The following PHF21B variants were observed in gnomAD, a reference collection of about 807,000 sequenced individuals.
PHF21B encodes the protein PHD finger protein 21B.
A neutral mutation model predicts 62.2 loss-of-function variants in PHF21B; 22 were observed. The ratio of observed to expected loss-of-function variants is 0.35; its 90% CI spans 0.25 to 0.51. The LOEUF (loss-of-function observed/expected upper bound fraction) is 0.51. PHF21B is among the 20% of genes least tolerant of loss of function. The pLI, the probability that PHF21B is intolerant of heterozygous loss-of-function variation, is 0.97. For missense variants in PHF21B, 701 were observed against 707.9 expected (o/e 0.99, Z 0.11); for synonymous variants, 341 against 314.7 (o/e 1.08, Z -0.88).
chr22:44,976,953 C>A (rs980963808), intron 2 of PHF21B, among the ~76,000 whole-genome samples: 8 of 152,120 alleles, frequency 5.3e-5, no homozygotes, highest in Non-Finnish European at 1.0e-4. Flanking sequence ...GCCTGGGCAA[C>A]ATGGCAAAAC....
At chr22:44,969,318 T>C (rs1450463793) in intron 2 of PHF21B, 1 of 152,032 alleles carries the variant, frequency 6.6e-6, no homozygotes, top group Non-Finnish European at 1.5e-5. Flanking sequence ...GCGCTTGAGC[T>C]GTGGAGTCAG....
At chr22:44,983,612 A>G (rs1452525330) in intron 2 of PHF21B, among the ~76,000 whole-genome samples, 1 of 152,184 alleles carries the variant, frequency 6.6e-6, no homozygotes, top group Admixed American at 6.5e-5. Flanking sequence ...TACTTTTTGT[A>G]TTTTTTAAAA....
rs2071393304 is a variant in PHF21B at position 44,914,061 on chromosome 22, G to A, written c.592C>T (p.His198Tyr). The part of the protein sequence containing the change: ...KPPPRLLSSP[H>Y]PATHHCPLHP... ...AGGGGACAGTGATGGGTTGCGGGGT[G>A]AGGGGAAGAGAGGAGGCGTGGAGGA... The change falls in exon 5 of 13, where the codon CAC (histidine) becomes TAC (tyrosine). Residue 198 changes from histidine to tyrosine, a missense_variant. Physicochemically the swap from His to Tyr is moderately conservative, Grantham distance 83. Coordinates refer to ENST00000313237, the MANE Select transcript of PHF21B (RefSeq NM_138415.5). 2 of 1,243,156 alleles carry A rather than the reference G, an allele frequency of 1.6e-6. No individual in the cohort carries two copies. Among genetic ancestry groups the A allele is most frequent in the Non-Finnish European group, 2.3e-6 (2 of 871,346 alleles). 77.0% of individuals were successfully genotyped at this position (1,243,156 alleles called of 1,614,324 possible).
At chr22:44,944,697 C>A (rs887637214) in intron 2 of PHF21B, among the ~76,000 whole-genome samples, 1 of 152,154 alleles carries the variant, frequency 6.6e-6, no homozygotes, top group African/African-American at 2.4e-5. Flanking sequence ...GGCCTTCGAA[C>A]GGGAATGTCT....
At chr22:44,911,802 G>A (rs963518056) in intron 5 of PHF21B, among the ~76,000 whole-genome samples, 1 of 152,246 alleles carries the variant, frequency 6.6e-6, no homozygotes, top group African/African-American at 2.4e-5. Flanking sequence ...GGCTAGTGGA[G>A]CTATGAGAAG....
intron 2 of PHF21B, among the ~76,000 whole-genome samples, chr22:44,957,138 C>T (rs1432150771): frequency 6.6e-6 from 1 of 152,170 alleles, no homozygotes; most frequent in Non-Finnish European, 1.5e-5. Flanking sequence ...CCTGCGCATT[C>T]TTCTGTACCT....
intron 2 of PHF21B, among the ~76,000 whole-genome samples, chr22:44,922,984 T>C (rs2071564312): frequency 6.6e-6 from 1 of 152,138 alleles, no homozygotes; most frequent in Admixed American, 6.5e-5. Context: ...GATTTTAGAA[T>C]GCATATGAAA....
At chr22:44,943,588 T>G (rs1031307439) in intron 2 of PHF21B, among the ~76,000 whole-genome samples, 9 of 152,100 alleles carry the variant, frequency 5.9e-5, no homozygotes, top group Admixed American at 1.3e-4. Flanking sequence ...TCTAGAGTCC[T>G]GGCAGCTGGC....
At chr22:44,908,581 C>T (rs1337765636) in intron 5 of PHF21B, among the ~76,000 whole-genome samples, 1 of 152,212 alleles carries the variant, frequency 6.6e-6, no homozygotes, top group Non-Finnish European at 1.5e-5. Flanking sequence ...GGGCAAGTGC[C>T]ACTTTCTGGG....
Position 45,009,598 on chromosome 22 carries a change from G to T in PHF21B, c.-49C>A, listed in dbSNP as rs553889319. On this transcript the variant is annotated 5_prime_UTR_variant, in exon 1 of 13. Coordinates refer to ENST00000313237, the MANE Select transcript of PHF21B (RefSeq NM_138415.5). The surrounding 1 kb of genome is among the most constrained non-coding windows in gnomAD (Gnocchi z 5.9). Reference sequence around the variant, plus strand: ...GCGCTCACTTTGGCCCGGGCTCCCGGGAAGTTGCGCGGCTCCGCGGGGGCC... The same window carrying T: ...GCGCTCACTTTGGCCCGGGCTCCCGTGAAGTTGCGCGGCTCCGCGGGGGCC... 41 of 1,512,146 alleles carry T rather than the reference G, an allele frequency of 2.7e-5. No individual in the cohort carries two copies. In the African/African-American group the frequency reaches 5.6e-4, roughly 21 times the overall value. The allele number at this position is 1,512,146 out of a possible 1,614,324, so 93.7% of individuals were successfully genotyped here. A position where few individuals can be genotyped will look rare whatever the true frequency, so the allele number is the denominator to read the frequency against.
rs986677596 is a variant in PHF21B at position 44,933,714 on chromosome 22, A to G, written c.121-13224T>C. 4.3e-5 allele frequency among the ~76,000 whole-genome samples: 3 copies of G among 70,196 alleles called. No homozygotes were observed. In the South Asian group the frequency reaches 1.0e-3, roughly 24 times the overall value. 46.1% of individuals were successfully genotyped at this position (70,196 alleles called of 152,430 possible). ...CGAGTATCTGGAGCTCTTCGTGCAG[A>G]TAAGAGAGAGAGAGAGAGAGAGACA... On this transcript the variant is annotated intron_variant, in intron 2 of 12. Coordinates refer to ENST00000313237, the MANE Select transcript of PHF21B (RefSeq NM_138415.5).
At position 44,985,779 on chromosome 22, in the gene PHF21B, A is replaced by G. The variant is rs544282791; in HGVS notation, c.120+22766T>C. 1.4e-4 allele frequency among the ~76,000 whole-genome samples: 21 copies of G among 152,290 alleles called. No individual in the cohort carries two copies. The East Asian group carries it at 4.1e-3, about 29-fold the overall frequency. On this transcript the variant is annotated intron_variant, in intron 2 of 12. Coordinates refer to ENST00000313237, the MANE Select transcript of PHF21B (RefSeq NM_138415.5). ...GTAAATGACAGCTGCCATGACCACC[A>G]CTGATGTTATCACCGTAGCTATCAA... is the stretch of plus-strand genomic sequence containing the variant.
intron 5 of PHF21B, chr22:44,901,703 C>A: frequency 2.3e-6 from 1 of 427,736 alleles, no homozygotes; most frequent in Non-Finnish European, 4.1e-6. Context: ...GGGGAAGCCC[C>A]ATTGAAGCTG....
rs533308517 is a variant in PHF21B, at chr22:44,924,386, T to C, written c.121-3896A>G. On this transcript the variant is annotated intron_variant, in intron 2 of 12. Transcript: ENST00000313237. Reference sequence around the variant, plus strand: ...TTTGGCAGTTAAAAAGTTAAACTTATGTATGGCAATGAACAGAACGTATGT... The same window carrying C: ...TTTGGCAGTTAAAAAGTTAAACTTACGTATGGCAATGAACAGAACGTATGT... 7.9e-5 allele frequency among the ~76,000 whole-genome samples: 12 copies of C among 152,312 alleles called. No individual in the cohort carries two copies. The East Asian group carries it at 1.7e-3, about 22-fold the overall frequency.
intron 2 of PHF21B, among the ~76,000 whole-genome samples, chr22:44,941,699 G>A (rs776261079): frequency 2.0e-4 from 31 of 152,202 alleles, no homozygotes; most frequent in Non-Finnish European, 4.0e-4. Flanking sequence ...GGGCTCGGGA[G>A]CACCCACTAG....
chr22:44,941,827 T>A (rs577057217), intron 2 of PHF21B, among the ~76,000 whole-genome samples: 1 of 152,002 alleles, frequency 6.6e-6, no homozygotes, highest in Non-Finnish European at 1.5e-5. Context: ...CCACCTGCCA[T>A]TGATTCATTC....
chr22:44,970,645 G>A (rs868845160), intron 2 of PHF21B, among the ~76,000 whole-genome samples: 8 of 152,138 alleles, frequency 5.3e-5, no homozygotes, highest in Admixed American at 1.3e-4. Context: ...AGGTGGGTCC[G>A]TGTGGTCAAA....
rs141838215 is a variant in PHF21B at position 44,918,990 on chromosome 22, G to T, written c.213+1408C>A. 3.1e-3 allele frequency among the ~76,000 whole-genome samples: 467 copies of T among 152,290 alleles called. 4 individuals are homozygous for T. Among genetic ancestry groups the T allele is most frequent in the East Asian group, 6.8e-3 (35 of 5,176 alleles). Reference sequence around the variant, plus strand: ...ACTGTCCCAACCTCCCTCCCTCAGTGCTTTGACTCTGGTCTCTCCCTACCA... The same window carrying T: ...ACTGTCCCAACCTCCCTCCCTCAGTTCTTTGACTCTGGTCTCTCCCTACCA... On this transcript the variant is annotated intron_variant, in intron 3 of 12. Coordinates refer to ENST00000313237, the MANE Select transcript of PHF21B (RefSeq NM_138415.5).
chr22:44,916,242 C>T (rs1418677242), intron 4 of PHF21B, 38 bp downstream of exon 4: 18 of 1,582,362 alleles, frequency 1.1e-5, no homozygotes, highest in South Asian at 3.4e-5. Flanking sequence ...CTGTATGCGG[C>T]CGCACACCCT....
Sources: allele counts gnomAD v4.1 joint callset (sites outside exome capture counted in the v4.1 genomes callset), GRCh38; gene constraint gnomAD v4.1.1; non-coding constraint Gnocchi (gnomAD v3.1); transcripts MANE v1.5; gene names NCBI Gene and HGNC (gene_info 2026-07-23, HGNC 2026-07-21).